The following ZNF804B variants were observed in gnomAD, a reference collection of about 807,000 sequenced individuals.
ZNF804B encodes zinc finger protein 804B.
In ZNF804B, 80 loss-of-function variants were observed where a neutral mutation model predicts 101.4. The observed-to-expected ratio is 0.79, with a 90% CI of 0.66 to 0.95. The LOEUF is 0.95. ZNF804B is among the 40% of genes least tolerant of loss of function. The pLI, the probability that ZNF804B is intolerant of heterozygous loss-of-function variation, is 0.00. For synonymous variants in ZNF804B, 622 were observed against 558.8 expected, an observed-to-expected ratio of 1.11 and a Z score of -1.59; for missense variants, 1,673 against 1,561.9, an observed-to-expected ratio of 1.07 and a Z score of -1.20.
chr7:89,046,028 G>A (rs550007579), intron 1 of ZNF804B, among the ~76,000 whole-genome samples: 8 of 152,184 alleles, frequency 5.3e-5, no homozygotes, highest in African/African-American at 1.9e-4. Context: ...GGACCCCATG[G>A]GAGGTAATTG....
chr7:89,145,952 A>T (rs1221951422), intron 1 of ZNF804B, among the ~76,000 whole-genome samples: 1 of 152,096 alleles, frequency 6.6e-6, no homozygotes, highest in East Asian at 1.9e-4. Flanking sequence ...GCTAATCTCA[A>T]AAACTTTCTG....
At chr7:89,012,340 C>G (rs1280994030) in intron 1 of ZNF804B, among the ~76,000 whole-genome samples, 2 of 152,136 alleles carry the variant, frequency 1.3e-5, no homozygotes, top group Non-Finnish European at 2.9e-5. Context: ...TCTTGGTGAT[C>G]AACATTTGGC....
intron 1 of ZNF804B, among the ~76,000 whole-genome samples, chr7:88,969,151 C>A (rs1793497246): frequency 6.6e-6 from 1 of 151,514 alleles, no homozygotes; most frequent in Admixed American, 6.6e-5. Flanking sequence ...CTACTAATTA[C>A]ATTTAGTATA....
chr7:88,868,813 AT>A (rs1261981964), intron 1 of ZNF804B, among the ~76,000 whole-genome samples: 1 of 152,228 alleles, frequency 6.6e-6, no homozygotes, highest in Non-Finnish European at 1.5e-5. Context: ...TAGCTTTGAA[AT>A]GCTAGTTTGA....
chr7:88,871,584 GAAAC>G (rs1449376871), intron 1 of ZNF804B, among the ~76,000 whole-genome samples: 5 of 151,974 alleles, frequency 3.3e-5, no homozygotes, highest in Admixed American at 1.3e-4. Context: ...ATATTATAAA[GAAAC>G]AAACATAAAA....
At chr7:88,998,537 A>G (rs1163318970) in intron 1 of ZNF804B, among the ~76,000 whole-genome samples, 1 of 152,080 alleles carries the variant, frequency 6.6e-6, no homozygotes, top group Admixed American at 6.6e-5. Context: ...TTACCTGATC[A>G]TAAGAAGTAT....
intron 1 of ZNF804B, among the ~76,000 whole-genome samples, chr7:88,857,576 CTG>C (rs1791583729): frequency 1.3e-5 from 2 of 152,080 alleles, no homozygotes; most frequent in Non-Finnish European, 2.9e-5. Flanking sequence ...GACATTGAAT[CTG>C]TGAATAGACC....
intron 2 of ZNF804B, among the ~76,000 whole-genome samples, chr7:89,261,793 G>C (rs533676703): frequency 2.6e-5 from 4 of 152,114 alleles, no homozygotes; most frequent in Non-Finnish European, 4.4e-5. Flanking sequence ...ACATAGAGAA[G>C]GTATAGTAAA....
At chr7:89,332,884 G>A (rs967008621) in intron 3 of ZNF804B, among the ~76,000 whole-genome samples, 5 of 151,676 alleles carry the variant, frequency 3.3e-5, no homozygotes, top group Non-Finnish European at 7.4e-5. Context: ...GTGAATATGA[G>A]GGAATTTTAA....
At chr7:88,980,020 T>C (rs1793673581) in intron 1 of ZNF804B, among the ~76,000 whole-genome samples, 1 of 151,896 alleles carries the variant, frequency 6.6e-6, no homozygotes, top group Admixed American at 6.6e-5. Flanking sequence ...ATGCATTCTT[T>C]AGTATATAAG....
At chr7:88,946,875 AAAG>A (rs1290691343) in intron 1 of ZNF804B, among the ~76,000 whole-genome samples, 3 of 152,076 alleles carry the variant, frequency 2.0e-5, no homozygotes, top group East Asian at 2.0e-4. Flanking sequence ...ACACTTCTCA[AAAG>A]AAGACATTTA....
chr7:89,099,938 T>C (rs1790029339), intron 1 of ZNF804B, among the ~76,000 whole-genome samples: 1 of 152,140 alleles, frequency 6.6e-6, no homozygotes, highest in African/African-American at 2.4e-5. Flanking sequence ...GGCTTCAATC[T>C]TTTAGGTATT....
intron 1 of ZNF804B, among the ~76,000 whole-genome samples, chr7:88,822,009 C>T (rs1583958424): frequency 6.6e-6 from 1 of 152,116 alleles, no homozygotes; most frequent in African/African-American, 2.4e-5. Context: ...CCAAAATGTT[C>T]TGTATGGTAT....
chr7:88,799,402 A>G (rs192175206), intron 1 of ZNF804B, among the ~76,000 whole-genome samples: 162 of 151,738 alleles, frequency 1.1e-3, no homozygotes, highest in Admixed American at 7.4e-3. Context: ...CACAATTAAA[A>G]TCTTCTCTCA....
At chr7:89,099,503 A>G (rs914389415) in intron 1 of ZNF804B, among the ~76,000 whole-genome samples, 1 of 152,194 alleles carries the variant, frequency 6.6e-6, no homozygotes, top group Non-Finnish European at 1.5e-5. Context: ...GTTCAGTGAA[A>G]GGAATATGAT....
At chr7:89,163,501 T>C (rs115628692) in intron 1 of ZNF804B, among the ~76,000 whole-genome samples, 2 of 152,256 alleles carry the variant, frequency 1.3e-5, no homozygotes, top group African/African-American at 4.8e-5. Context: ...CAATGGCTTA[T>C]TATGTGTTTT....
chr7:89,142,816 G>A (rs985873787), intron 1 of ZNF804B, among the ~76,000 whole-genome samples: 3 of 152,132 alleles, frequency 2.0e-5, no homozygotes, highest in African/African-American at 4.8e-5. Context: ...GGGTTGAGAT[G>A]TATTATTTAA....
intron 1 of ZNF804B, among the ~76,000 whole-genome samples, chr7:89,068,665 G>A (rs1789491092): frequency 6.6e-6 from 1 of 152,142 alleles, no homozygotes; most frequent in South Asian, 2.1e-4. Context: ...CGCATAATAG[G>A]TCTACCTGGA....
chr7:89,334,304 T>A lies in ZNF804B; in HGVS notation c.1322T>A (p.Leu441Gln), dbSNP rs376204290. Residue 441 changes from leucine to glutamine, a missense_variant, in exon 4 of 4, where the codon CTA becomes CAA. Coordinates refer to ENST00000333190, the MANE Select transcript of ZNF804B (RefSeq NM_181646.5). ...ACTHNVASKP[L>Q]PFLHVQSKDG... Reference sequence around the variant, plus strand: ...ACCCATAATGTGGCATCTAAACCACTACCTTTTCTCCACGTTCAAAGCAAG... The same window carrying A: ...ACCCATAATGTGGCATCTAAACCACAACCTTTTCTCCACGTTCAAAGCAAG... 2.8e-5 allele frequency: 45 copies of A among 1,613,776 alleles called. No homozygotes were observed. The South Asian group carries it at 3.1e-4, about 11-fold the overall frequency.
Sources: allele counts gnomAD v4.1 joint callset (sites outside exome capture counted in the v4.1 genomes callset), GRCh38; gene constraint gnomAD v4.1.1; transcripts MANE v1.5; gene names NCBI Gene and HGNC (gene_info 2026-07-23, HGNC 2026-07-21).